Variants in DNAH8 observed in about 807,000 individuals in gnomAD.
DNAH8 encodes axonemal beta dynein heavy chain 8.
In DNAH8, 382 loss-of-function variants were observed where a neutral mutation model predicts 562.1. That is an observed-to-expected ratio of 0.68 (90% CI 0.63 to 0.74). The LOEUF (loss-of-function observed/expected upper bound fraction) is 0.74. Ranked by LOEUF, DNAH8 falls within the 30% of genes least tolerant of loss-of-function variation. The pLI is 0.00. For missense variants in DNAH8, 5,203 were observed against 5,620.4 expected (o/e 0.93, Z 2.37); for synonymous variants, 1,881 against 1,919.4 (o/e 0.98, Z 0.52).
chr6:38,775,718 C>A lies in DNAH8; in HGVS notation c.1765-36C>A. On this transcript the variant is annotated intron_variant, in intron 12 of 92. Coordinates refer to ENST00000327475, the MANE Select transcript of DNAH8 (RefSeq NM_001206927.2). ...ATTTTAGGGAAGTTGCCTGCTATCT[C>A]ATTTAAAAAAGCAAAATAACATTTC... 2.9e-6 allele frequency: 4 copies of A among 1,370,512 alleles called. No homozygotes were observed. The African/African-American group carries it at 4.4e-5, about 15-fold the overall frequency. The allele number at this position is 1,370,512 out of a possible 1,614,324, so 84.9% of individuals were successfully genotyped here. A position where few individuals can be genotyped will look rare whatever the true frequency, so the allele number is the denominator to read the frequency against.
chr6:38,826,449 G>C (rs778847780), intron 29 of DNAH8, 58 bp downstream of exon 29: 1 of 1,050,328 alleles, frequency 9.5e-7, no homozygotes, highest in Non-Finnish European at 1.4e-6. Context: ...TAAAGAAATA[G>C]AGACACACTA....
At chr6:38,792,423 C>T (rs1428254005) in intron 21 of DNAH8, among the ~76,000 whole-genome samples, 1 of 152,060 alleles carries the variant, frequency 6.6e-6, no homozygotes, top group African/African-American at 2.4e-5. Context: ...GCTTGAGTTT[C>T]AGCCTGTTCT....
At chr6:38,860,063 G>A (rs143569355) in intron 42 of DNAH8, among the ~76,000 whole-genome samples, 2 of 152,096 alleles carry the variant, frequency 1.3e-5, no homozygotes, top group African/African-American at 4.8e-5. Flanking sequence ...TTTGTTCCCC[G>A]CTCCTGGTGG....
intron 79 of DNAH8, among the ~76,000 whole-genome samples, chr6:38,942,061 A>G (rs1025582330): frequency 9.2e-5 from 14 of 152,086 alleles, no homozygotes; most frequent in Non-Finnish European, 2.1e-4. Flanking sequence ...GGAGCCATCT[A>G]TGCACCAGGA....
chr6:38,956,497 C>G (rs1762253889), intron 82 of DNAH8, among the ~76,000 whole-genome samples: 1 of 152,226 alleles, frequency 6.6e-6, no homozygotes, highest in Middle Eastern at 3.4e-3. Context: ...CCAGCTCTGC[C>G]CCACGTCAAG....
intron 89 of DNAH8, among the ~76,000 whole-genome samples, chr6:39,009,171 A>T (rs1347694683): frequency 6.6e-6 from 1 of 152,206 alleles, no homozygotes; most frequent in African/African-American, 2.4e-5. Flanking sequence ...AAATATCAGA[A>T]GAAAACATTT....
chr6:38,716,165 G>A (rs1363514968), intron 1 of DNAH8, among the ~76,000 whole-genome samples: 6 of 150,330 alleles, frequency 4.0e-5, no homozygotes, highest in East Asian at 2.0e-4. Flanking sequence ...GTTTCACAGT[G>A]TTAGCCAAGA....
At chr6:38,966,478 A>C (rs1762977256) in intron 82 of DNAH8, among the ~76,000 whole-genome samples, 1 of 152,240 alleles carries the variant, frequency 6.6e-6, no homozygotes, top group Non-Finnish European at 1.5e-5. Flanking sequence ...TTTTCAACCC[A>C]TTCTGAGACC....
At chr6:38,839,501 A>G (rs1178518159) in intron 33 of DNAH8, among the ~76,000 whole-genome samples, 1 of 151,740 alleles carries the variant, frequency 6.6e-6, no homozygotes, top group Non-Finnish European at 1.5e-5. Context: ...TTATAGGTGC[A>G]TACCACTGGG....
At chr6:38,893,356 A>G (rs1779463604) in intron 58 of DNAH8, among the ~76,000 whole-genome samples, 1 of 152,236 alleles carries the variant, frequency 6.6e-6, no homozygotes, top group Admixed American at 6.5e-5. Flanking sequence ...AAGGTGATGA[A>G]AAGTAGAGGG....
intron 24 of DNAH8, among the ~76,000 whole-genome samples, chr6:38,812,830 G>A (rs1771917955): frequency 6.6e-6 from 1 of 152,084 alleles, no homozygotes; most frequent in Non-Finnish European, 1.5e-5. Context: ...TAGGTAGTAA[G>A]CATCTCTGAG....
Position 38,786,839 on chromosome 6 carries a change from G to A in DNAH8, c.2470G>A (p.Glu824Lys), listed in dbSNP as rs1199608727. The A allele has an allele frequency of 6.2e-7, 1 of 1,613,472 alleles. No individual in the cohort carries two copies. Among genetic ancestry groups the A allele is most frequent in the Admixed American group, 1.7e-5 (1 of 59,918 alleles). Residue 824 changes from glutamate to lysine, a missense_variant, in exon 18 of 93, where the codon GAA becomes AAA. This residue lies in a region of DNAH8 where 2,176 missense variants were observed against 2,365.1 expected (regional missense o/e 0.92). Transcript: ENST00000327475. ...LLVNFDPKIL[E>K]VVRETKCMIK... ...GGTTAATTTCGATCCCAAAATTTTG[G>A]AAGTTGTTCGGGAAACTAAGTGTAT...
chr6:38,781,887 G>A (rs1768652127), intron 16 of DNAH8, among the ~76,000 whole-genome samples: 1 of 152,008 alleles, frequency 6.6e-6, no homozygotes, highest in African/African-American at 2.4e-5. Context: ...GGCCCTGTTG[G>A]CATTCTGAAA....
chr6:38,823,167 T>C (rs924927741), intron 27 of DNAH8, 133 bp downstream of exon 27: 10 of 703,058 alleles, frequency 1.4e-5, no homozygotes, highest in Admixed American at 3.5e-5. Flanking sequence ...ACCAAGCACC[T>C]GTCACCTTCT....
Position 38,850,218 on chromosome 6 carries a change from G to A in DNAH8, c.5200-33G>A, listed in dbSNP as rs180945774. ...TTTGCTTTTTTTCAATTATCCAAAT[G>A]CTAATCTTTACTGGCTATGGATGCA... On this transcript the variant is annotated intron_variant, in intron 37 of 92. Coordinates refer to ENST00000327475, the MANE Select transcript of DNAH8 (RefSeq NM_001206927.2). 5.0e-4 allele frequency: 796 copies of A among 1,598,666 alleles called. 5 individuals are homozygous for A. In the African/African-American group the frequency reaches 9.5e-3, roughly 19 times the overall value.
intron 1 of DNAH8, among the ~76,000 whole-genome samples, chr6:38,715,765 A>T (rs1385756045): frequency 6.6e-6 from 1 of 150,658 alleles, no homozygotes; most frequent in Non-Finnish European, 1.5e-5. Flanking sequence ...TCAGAAGGGG[A>T]AGGGTGGGAG....
chr6:38,800,903 G>T (rs1483363048), intron 21 of DNAH8, among the ~76,000 whole-genome samples: 1 of 152,102 alleles, frequency 6.6e-6, no homozygotes, highest in Non-Finnish European at 1.5e-5. Flanking sequence ...TTGGATATTT[G>T]TCTTTTTATT....
chr6:38,985,194 T>C (rs746830640), intron 87 of DNAH8, among the ~76,000 whole-genome samples: 17 of 152,236 alleles, frequency 1.1e-4, no homozygotes, highest in South Asian at 6.2e-4. Context: ...AAATTGTTTA[T>C]TAGCAATTGT....
At chr6:38,873,760 ACACACACACC>A (rs943449530) in intron 52 of DNAH8, among the ~76,000 whole-genome samples, 5 of 52,166 alleles carry the variant, frequency 9.6e-5, no homozygotes, top group Admixed American at 2.7e-4. Context: ...ACACACACAC[ACACACACACC>A]CCTGCACTCC....
Sources: gnomAD v4.1 joint callset for allele counts (sites outside exome capture counted in the v4.1 genomes callset) on GRCh38, gnomAD v4.1.1 for gene constraint, gnomAD v4.1.1 regional missense constraint, MANE v1.5 for transcripts, NCBI Gene and HGNC (gene_info 2026-07-23, HGNC 2026-07-21) for gene names.